DYNC1H1: variants seen among roughly 807,000 people sequenced by gnomAD.
The protein encoded by DYNC1H1 is dynein cytoplasmic 1 heavy chain 1.
In DYNC1H1, 51 loss-of-function variants were observed where a neutral mutation model predicts 527.1. The ratio of observed to expected loss-of-function variants is 0.10; its 90% CI spans 0.08 to 0.12. DYNC1H1 has a LOEUF of 0.12. Ranked by LOEUF, DYNC1H1 falls within the 10% of genes least tolerant of loss-of-function variation. DYNC1H1 has a pLI of 1.00. For missense variants in DYNC1H1, 2,771 were observed against 5,971.8 expected, an observed-to-expected ratio of 0.46 and a Z score of 17.66; for synonymous variants, 2,189 against 2,278.8, an observed-to-expected ratio of 0.96 and a Z score of 1.12.
At chr14:101,968,960 A>G (rs565435900) in intron 1 of DYNC1H1, among the ~76,000 whole-genome samples, 1 of 152,326 alleles carries the variant, frequency 6.6e-6, no homozygotes, top group South Asian at 2.1e-4. Context: ...TAGAGGAGAA[A>G]TGTTTTCTGG....
At chr14:102,037,832 G>A (rs1280931273) in intron 57 of DYNC1H1, 1 of 154,312 alleles carries the variant, frequency 6.5e-6, no homozygotes, top group African/African-American at 2.4e-5. Flanking sequence ...TTATGCAAAT[G>A]GAAAAAAATT....
chr14:102,001,558 T>A lies in DYNC1H1; in HGVS notation c.4419T>A (p.Tyr1473Ter). Residue 1473 changes from tyrosine to a stop codon, truncating the protein, a stop_gained, in exon 21 of 78, where the codon TAT becomes TAA. Transcript: ENST00000360184. LOFTEE classifies it high-confidence loss of function. The surrounding 1 kb of genome is among the most constrained non-coding windows in gnomAD (Gnocchi z 5.0). ...LKQIREVWNT[Y>*]ELDLVNYQNK... ...AGATAAGAGAAGTGTGGAATACTTA[T>A]GAACTAGACTTGGTTAATTATCAGA... 1 of 1,614,184 alleles carries A rather than the reference T, an allele frequency of 6.2e-7. No individual in the cohort carries two copies. The highest frequency in any genetic ancestry group is 8.5e-7 in the Non-Finnish European group (1 of 1,180,032).
chr14:102,023,364 A>G, intron 43 of DYNC1H1: 1 of 280,334 alleles, frequency 3.6e-6, no homozygotes, highest in Non-Finnish European at 7.0e-6. Context: ...AGCCTGACCT[A>G]CATGGAGAAA....
Position 102,016,642 on chromosome 14 carries a change from A to T in DYNC1H1, c.7615-124A>T. 1 of 1,541,284 alleles carries T rather than the reference A, an allele frequency of 6.5e-7. No individual in the cohort carries two copies. On this transcript the variant is annotated intron_variant, in intron 37 of 77. Transcript: ENST00000360184. The surrounding 1 kb of genome is among the most constrained non-coding windows in gnomAD (Gnocchi z 7.3). The stretch of plus-strand genomic sequence containing the variant: ...CTTTTAGTTCCATGTGTTAGCAAAG[A>T]GTGCAGATTAACCTGACCAATTACT...
In DYNC1H1 at chr14:102,042,829, T is replaced by TGGGCCCCC. The variant is rs2048668235; in HGVS notation, c.12513+84_12513+91dup. ...ATCACCAAATGCAGAAGTGGGTCCC[T>TGGGCCCCC]GGGCCCCCGGAAGTGCCGTGTGGTG... On this transcript the variant is annotated intron_variant, in intron 69 of 77. Coordinates refer to ENST00000360184, the MANE Select transcript of DYNC1H1 (RefSeq NM_001376.5). This position sits in a 1 kb window ranked among gnomAD's most constrained non-coding sequence, Gnocchi z 5.7. The TGGGCCCCC allele has an allele frequency of 6.6e-7, 1 of 1,508,522 alleles. No homozygotes were observed. Among genetic ancestry groups the TGGGCCCCC allele is most frequent in the African/African-American group, 1.4e-5 (1 of 72,518 alleles). The allele number at this position is 1,508,522 out of a possible 1,614,324, so 93.4% of individuals were successfully genotyped here.
At chr14:102,004,175 C>T (rs1351007951) in intron 23 of DYNC1H1, among the ~76,000 whole-genome samples, 2 of 152,052 alleles carry the variant, frequency 1.3e-5, no homozygotes, top group East Asian at 1.9e-4. Flanking sequence ...ACCCGGGAGG[C>T]GGAGCTTGCA....
intron 1 of DYNC1H1, among the ~76,000 whole-genome samples, chr14:101,971,150 T>G (rs1004703195): frequency 4.5e-5 from 6 of 132,438 alleles, no homozygotes; most frequent in African/African-American, 1.5e-4. Context: ...CAGGCTGGAG[T>G]GCAGCGCTGC....
rs952994047 is a variant in DYNC1H1 at position 102,053,751 on chromosome 14, G to GTT, written c.*3202_*3203dup. The GTT allele has an allele frequency of 2.5e-3, 300 of 118,194 alleles. 1 individual carries two copies. Among genetic ancestry groups the GTT allele is most frequent in the Admixed American group, 6.6e-3 (78 of 11,812 alleles). The allele number at this position is 118,194 out of a possible 1,614,324, so 7.3% of individuals were successfully genotyped here. On this transcript the variant is annotated 3_prime_UTR_variant, in exon 78 of 78. Transcript: ENST00000360184. ...GCCACCACACTCGGCCTCTTTGTTT[G>GTT]TTTTTTTTTTTTTTTGAGACAGTCT...
chr14:101,990,065 T>C (rs1425198059), intron 10 of DYNC1H1, among the ~76,000 whole-genome samples: 3 of 152,216 alleles, frequency 2.0e-5, no homozygotes, highest in African/African-American at 7.2e-5. Flanking sequence ...GGCTGTCATC[T>C]AGACTTGTGT....
chr14:102,019,791 A>T, intron 41 of DYNC1H1, 102 bp from the exon 42 acceptor site: 3 of 1,434,450 alleles, frequency 2.1e-6, no homozygotes, highest in Non-Finnish European at 1.9e-6. Flanking sequence ...TTCAGGGTCT[A>T]GGTTCTTTAA....
rs763598363 is a variant in DYNC1H1 at position 102,030,230 on chromosome 14, T to C, written c.9831T>C (p.Ser3277=). The stretch of plus-strand genomic sequence containing the variant: ...AGGTAATTGCAGACAAACAGATGAG[T>C]GTCAAAGAAGATCTTGATAAGGTGG... The part of the protein sequence containing the change: ...QQEVIADKQM[S]VKEDLDKVEP... The change falls in exon 51 of 78, where the codon AGT becomes AGC. Residue 3277 remains serine (S), a synonymous_variant. Transcript: ENST00000360184. The C allele has an allele frequency of 8.1e-6, 13 of 1,613,816 alleles. No individual in the cohort carries two copies. In the South Asian group the frequency reaches 1.3e-4, roughly 16 times the overall value.
At chr14:102,048,405 C>G in intron 73 of DYNC1H1, 111 bp from the exon 74 acceptor site, 1 of 1,429,944 alleles carries the variant, frequency 7.0e-7, no homozygotes, top group Non-Finnish European at 9.7e-7. Flanking sequence ...TGACCCTGGA[C>G]AGTTCGGAAG....
At chr14:101,989,886 G>A (rs2047977277) in intron 10 of DYNC1H1, among the ~76,000 whole-genome samples, 2 of 152,160 alleles carry the variant, frequency 1.3e-5, no homozygotes, top group Non-Finnish European at 2.9e-5. Flanking sequence ...TGGTCCCGAC[G>A]ATTACAATAC....
chr14:102,047,613 A>G (rs1301736556), intron 72 of DYNC1H1: 2 of 398,408 alleles, frequency 5.0e-6, no homozygotes, highest in Non-Finnish European at 8.5e-6. Context: ...ATATATGTAT[A>G]TATACACGTG....
chr14:102,026,571 T>C lies in DYNC1H1; in HGVS notation c.8638-3T>C. 1.9e-6 allele frequency: 3 copies of C among 1,614,122 alleles called. No homozygotes were observed. The highest frequency in any genetic ancestry group is 1.3e-5 in the African/African-American group (1 of 75,052). On this transcript the variant is annotated splice_region_variant and splice_polypyrimidine_tract_variant and intron_variant, in intron 43 of 77. Transcript: ENST00000360184. ...AATTTGGGTATTACCTTTTTTTCTATAGGATTACATCCCAGTAGACCAAGA... is the reference window on the plus strand; with the variant it reads ...AATTTGGGTATTACCTTTTTTTCTACAGGATTACATCCCAGTAGACCAAGA...
rs771559880 is a variant in DYNC1H1 at position 102,010,333 on chromosome 14, G to A, written c.6279G>A (p.Leu2093=). 21 of 1,613,940 alleles carry A rather than the reference G, an allele frequency of 1.3e-5. No individual in the cohort carries two copies. In the South Asian group the frequency reaches 2.3e-4, roughly 18 times the overall value. Residue 2093 remains leucine, a synonymous_variant, in exon 31 of 78, where the codon TTG becomes TTA. Transcript: ENST00000360184. This position sits in a 1 kb window ranked among gnomAD's most constrained non-coding sequence, Gnocchi z 6.0. ...ATTATGACTTCGGTCTTCGGGCTTT[G>A]AAGAGTGTGCTGGTGAGTGCAGGCA... ...QSHYDFGLRA[L]KSVLVSAGNV...
chr14:101,987,793 G>T (rs1162204233), intron 9 of DYNC1H1, among the ~76,000 whole-genome samples, 161 bp downstream of exon 9: 2 of 152,136 alleles, frequency 1.3e-5, no homozygotes, highest in Non-Finnish European at 2.9e-5. Context: ...ACTGAATTGT[G>T]GCCAGGCACA....
At chr14:101,975,519 G>A (rs758483073) in intron 1 of DYNC1H1, among the ~76,000 whole-genome samples, 193 bp from the exon 2 acceptor site, 6 of 152,104 alleles carry the variant, frequency 3.9e-5, no homozygotes, top group Admixed American at 2.6e-4. Context: ...ACAGACAACC[G>A]CCTTGCCCAA....
Position 101,979,218 on chromosome 14 carries a change from T to C in DYNC1H1, c.345-101T>C. 8.5e-7 allele frequency: 1 copy of C among 1,177,796 alleles called. No homozygotes were observed. Among genetic ancestry groups the C allele is most frequent in the Non-Finnish European group, 1.2e-6 (1 of 813,442 alleles). The allele number at this position is 1,177,796 out of a possible 1,614,324, so 73.0% of individuals were successfully genotyped here. ...AAAGACAAGCAGTGCATTTCACTAT[T>C]AGAAAAGCAACACTTCAGTATATTC... On this transcript the variant is annotated intron_variant, in intron 2 of 77. Coordinates refer to ENST00000360184, the MANE Select transcript of DYNC1H1 (RefSeq NM_001376.5). This position sits in a 1 kb window ranked among gnomAD's most constrained non-coding sequence, Gnocchi z 4.6.
Sources: allele counts gnomAD v4.1 joint callset (sites outside exome capture counted in the v4.1 genomes callset), GRCh38; gene constraint gnomAD v4.1.1; non-coding constraint Gnocchi (gnomAD v3.1); transcripts MANE v1.5; gene names NCBI Gene and HGNC (gene_info 2026-07-23, HGNC 2026-07-21).